KANK1: variants seen among roughly 807,000 people sequenced by gnomAD.
KANK1 encodes KN motif and ankyrin repeat domains 1, also known as KN motif and ankyrin repeat domain-containing protein 1.
KANK1 carries 109 observed loss-of-function variants against 106.2 expected under a neutral mutation model. That is an observed-to-expected ratio of 1.03 (90% CI 0.88 to 1.20). KANK1 has a LOEUF of 1.20. KANK1 is among the 50% of genes most tolerant of loss of function. The probability of loss-of-function intolerance (pLI) is 0.00; values close to 1 mark genes in which losing one functional copy is unlikely to be tolerated. For missense variants in KANK1, 2,399 were observed against 1,710.7 expected, an observed-to-expected ratio of 1.40 and a Z score of -7.10; for synonymous variants, 873 against 652.2, an observed-to-expected ratio of 1.34 and a Z score of -5.16.
At chr9:637,972 G>A (rs1296122627) in intron 1 of KANK1, among the ~76,000 whole-genome samples, 1 of 152,150 alleles carries the variant, frequency 6.6e-6, no homozygotes, top group Non-Finnish European at 1.5e-5. Context: ...TGGACCATGT[G>A]CTGGTACATC....
chr9:657,055 C>G (rs1563936745), intron 1 of KANK1, among the ~76,000 whole-genome samples: 1 of 152,148 alleles, frequency 6.6e-6, no homozygotes, highest in Non-Finnish European at 1.5e-5. Flanking sequence ...CCTGTGCCAG[C>G]CGCTGGCACC....
At chr9:650,025 A>G (rs1246634427) in intron 1 of KANK1, among the ~76,000 whole-genome samples, 1 of 152,202 alleles carries the variant, frequency 6.6e-6, no homozygotes, top group African/African-American at 2.4e-5. Context: ...CTACTTCGTA[A>G]GACTGCTTGC....
intron 2 of KANK1, among the ~76,000 whole-genome samples, chr9:704,981 G>A (rs1339259333): frequency 1.7e-4 from 19 of 113,272 alleles, no homozygotes; most frequent in Admixed American, 1.2e-3. Context: ...CAACAGAGTC[G>A]GACCCTGTCT....
At chr9:490,450 A>G (rs555956276) in intron 3 of KANK1, among the ~76,000 whole-genome samples, 10 of 152,256 alleles carry the variant, frequency 6.6e-5, no homozygotes, top group Non-Finnish European at 1.5e-4. Context: ...TTGAAGCTGC[A>G]GTGAGCCATG....
chr9:562,511 T>G (rs1178097375), intron 1 of KANK1, among the ~76,000 whole-genome samples: 1 of 152,038 alleles, frequency 6.6e-6, no homozygotes, highest in Non-Finnish European at 1.5e-5. Context: ...TCAGCTGCAG[T>G]GAGATGGTGT....
chr9:608,031 A>ATGAT (rs1554646362), intron 1 of KANK1, among the ~76,000 whole-genome samples: 1 of 88,100 alleles, frequency 1.1e-5, no homozygotes, highest in Non-Finnish European at 2.5e-5. Context: ...TATTATTATT[A>ATGAT]TTATTTTTTT....
Position 734,816 on chromosome 9 carries a change from C to T in KANK1, c.3314C>T (p.Ala1105Val), listed in dbSNP as rs1159191695. The change falls in exon 7 of 12, where the codon GCT becomes GTT. Residue 1105 changes from alanine to valine, a missense_variant. Transcript: ENST00000382297. ...AAAAATACTATAAATGACCCCAAAG[C>T]TTTGACCAGCAAAGATATGGTGAGT... ...LLKNTINDPK[A>V]LTSKDMRFCL... 1 of 1,613,142 alleles carries T rather than the reference C, an allele frequency of 6.2e-7. No homozygotes were observed. The highest frequency in any genetic ancestry group is 2.2e-5 in the East Asian group (1 of 44,880).
At chr9:672,684 G>A (rs1815458542) in intron 1 of KANK1, among the ~76,000 whole-genome samples, 1 of 152,066 alleles carries the variant, frequency 6.6e-6, no homozygotes, top group Non-Finnish European at 1.5e-5. Context: ...CAAAGTTCTA[G>A]TGTGCTGTTT....
chr9:628,356 T>C (rs908684725), intron 1 of KANK1, among the ~76,000 whole-genome samples: 1 of 152,226 alleles, frequency 6.6e-6, no homozygotes, highest in South Asian at 2.1e-4. Flanking sequence ...TTCCTAACTT[T>C]GGTATTCTTA....
intron 3 of KANK1, among the ~76,000 whole-genome samples, chr9:486,656 C>T (rs1464577996): frequency 6.6e-6 from 1 of 152,158 alleles, no homozygotes; most frequent in African/African-American, 2.4e-5. Context: ...ATTAATCTAA[C>T]ATAAGCTTTT....
chr9:682,562 C>T (rs1182460477), intron 2 of KANK1, among the ~76,000 whole-genome samples: 3 of 152,172 alleles, frequency 2.0e-5, no homozygotes, highest in East Asian at 1.9e-4. Flanking sequence ...GTGTTTCTAC[C>T]AGTTGAAGTA....
In KANK1 at chr9:710,847, G is replaced by A. The variant is rs768974020; in HGVS notation, c.81G>A (p.Gln27=). The A allele has an allele frequency of 4.3e-5, 70 of 1,612,106 alleles. No individual in the cohort carries two copies. Among genetic ancestry groups the A allele is most frequent in the Non-Finnish European group, 2.5e-5 (30 of 1,179,300 alleles). Residue 27 remains glutamine, a synonymous_variant, in exon 3 of 12, where the codon CAG becomes CAA. Coordinates refer to ENST00000382297, the MANE Select transcript of KANK1 (RefSeq NM_015158.5). The stretch of plus-strand genomic sequence containing the variant: ...TCAGTGGAGACCAGGACAAGGAACA[G>A]AAAGACCCTTACTTTGTGGAGACCC... ...DILSGDQDKE[Q]KDPYFVETPY... is the part of the protein sequence containing the mutation.
At chr9:538,180 A>T (rs1442521834) in intron 1 of KANK1, among the ~76,000 whole-genome samples, 1 of 81,254 alleles carries the variant, frequency 1.2e-5, no homozygotes, top group Non-Finnish European at 2.1e-5. Flanking sequence ...CTCGTCTGTA[A>T]AAAAAAAAAA....
At chr9:495,992 A>G (rs931409487) in intron 3 of KANK1, among the ~76,000 whole-genome samples, 1 of 150,704 alleles carries the variant, frequency 6.6e-6, no homozygotes, top group African/African-American at 2.5e-5. Context: ...CACACACACC[A>G]CAATGCATAC....
intron 3 of KANK1, among the ~76,000 whole-genome samples, chr9:713,759 T>C (rs1826889643): frequency 6.6e-6 from 1 of 152,190 alleles, no homozygotes; most frequent in Non-Finnish European, 1.5e-5. Flanking sequence ...GGTAAGATGC[T>C]TTATTCTTTG....
chr9:573,108 G>GC (rs561610713), intron 1 of KANK1, among the ~76,000 whole-genome samples: 150 of 152,276 alleles, frequency 9.9e-4, no homozygotes, highest in African/African-American at 3.2e-3. Flanking sequence ...CTGATATGCT[G>GC]CTGCAGTCAG....
intron 3 of KANK1, among the ~76,000 whole-genome samples, chr9:481,291 AAAAC>A (rs1471797591): frequency 7.4e-6 from 1 of 135,140 alleles, no homozygotes; most frequent in Admixed American, 7.7e-5. Flanking sequence ...AAAACAAAAC[AAAAC>A]AAAAAAAAAC....
chr9:670,775 A>G (rs1312891287), intron 1 of KANK1, among the ~76,000 whole-genome samples: 2 of 151,988 alleles, frequency 1.3e-5, no homozygotes, highest in Admixed American at 1.3e-4. Context: ...TGAGGCATGG[A>G]TAGGTCTCCT....
chr9:590,619 A>T (rs1824627199), intron 1 of KANK1, among the ~76,000 whole-genome samples: 1 of 146,142 alleles, frequency 6.8e-6, no homozygotes, highest in Admixed American at 6.8e-5. Context: ...TTAAATAACC[A>T]CTGTTTATAT....
Sources: gnomAD v4.1 joint callset for allele counts (sites outside exome capture counted in the v4.1 genomes callset) on GRCh38, gnomAD v4.1.1 for gene constraint, MANE v1.5 for transcripts, NCBI Gene and HGNC (gene_info 2026-07-23, HGNC 2026-07-21) for gene names.